The following LRP1B variants were observed in gnomAD, a reference collection of about 807,000 sequenced individuals.
LRP1B encodes LDL receptor related protein 1B.
In LRP1B, 217 loss-of-function variants were observed where a neutral mutation model predicts 556.6. That is an observed-to-expected ratio of 0.39 (90% CI 0.35 to 0.44). LRP1B has a LOEUF of 0.44. Among genes scored for constraint, LRP1B ranks in the 20% least tolerant of loss-of-function variants. LRP1B has a pLI of 1.00. For missense variants in LRP1B, 5,053 were observed against 5,620.8 expected (o/e 0.90, Z 3.23); for synonymous variants, 2,047 against 1,865.8 (o/e 1.10, Z -2.50).
intron 1 of LRP1B, among the ~76,000 whole-genome samples, chr2:141,844,394 C>A (rs2381193): frequency 0.77 from 117,606 of 152,052 alleles, 45,708 homozygotes; most frequent in Middle Eastern, 0.84. Context: ...TAGCTATGTT[C>A]CATAACTTTG....
intron 31 of LRP1B, among the ~76,000 whole-genome samples, chr2:140,824,078 C>A (rs1338811338): frequency 6.6e-6 from 1 of 151,034 alleles, no homozygotes; most frequent in Non-Finnish European, 1.5e-5. Flanking sequence ...TCACATGTAC[C>A]TCTGAACCTA....
chr2:140,329,474 G>A (rs553788070), intron 79 of LRP1B, among the ~76,000 whole-genome samples: 12 of 152,094 alleles, frequency 7.9e-5, no homozygotes, highest in Non-Finnish European at 1.6e-4. Context: ...TGCAGATGAC[G>A]TGTTCCTATA....
intron 42 of LRP1B, 48 bp from the exon 43 acceptor site, chr2:140,598,883 G>T: frequency 8.0e-7 from 1 of 1,249,086 alleles, no homozygotes; most frequent in South Asian, 1.3e-5. Flanking sequence ...CTCATCAAGA[G>T]TAAAAATACT....
rs543187197 is a variant in LRP1B, at chr2:140,986,619, A to T, written c.2770+2913T>A. Among the ~76,000 whole-genome samples the T allele has an allele frequency of 3.8e-4, 58 of 152,262 alleles. 1 individual carries two copies. The highest frequency in any genetic ancestry group is 1.2e-3 in the African/African-American group (49 of 41,562). ...TAGCTTAGACAGTGCTTCCTTTAAG[A>T]AGTCCTCCCAGATAGCTGAAGACCA... On this transcript the variant is annotated intron_variant, in intron 17 of 90. Coordinates refer to ENST00000389484, the MANE Select transcript of LRP1B (RefSeq NM_018557.3).
chr2:141,906,929 T>G (rs2104944534), intron 1 of LRP1B, among the ~76,000 whole-genome samples: 1 of 152,182 alleles, frequency 6.6e-6, no homozygotes, highest in Non-Finnish European at 1.5e-5. Flanking sequence ...AATCGTCCCA[T>G]GTTTCCCATT....
intron 5 of LRP1B, among the ~76,000 whole-genome samples, chr2:141,235,655 T>C (rs918769606): frequency 7.2e-5 from 11 of 152,114 alleles, no homozygotes; most frequent in Admixed American, 5.9e-4. Flanking sequence ...TTCTGCAGGG[T>C]ACAACACGCA....
At chr2:140,321,596 G>A (rs889546248) in intron 82 of LRP1B, among the ~76,000 whole-genome samples, 3 of 151,884 alleles carry the variant, frequency 2.0e-5, no homozygotes, top group Admixed American at 6.6e-5. Flanking sequence ...CAATAGAAAT[G>A]TATTGAATAA....
chr2:141,858,184 A>G (rs1011018376), intron 1 of LRP1B, among the ~76,000 whole-genome samples: 1 of 152,162 alleles, frequency 6.6e-6, no homozygotes, highest in African/African-American at 2.4e-5. Context: ...TGCTTGAATC[A>G]AACTCATTTC....
intron 1 of LRP1B, among the ~76,000 whole-genome samples, chr2:141,869,361 C>T (rs915131127): frequency 6.6e-6 from 1 of 151,874 alleles, no homozygotes; most frequent in Non-Finnish European, 1.5e-5. Context: ...CTGCTGTTCT[C>T]TACAATAAAT....
chr2:141,409,260 C>A (rs189476047), intron 3 of LRP1B, among the ~76,000 whole-genome samples: 2 of 152,098 alleles, frequency 1.3e-5, no homozygotes, highest in East Asian at 1.9e-4. Context: ...GTATGCACAG[C>A]GGAAAAACTG....
chr2:142,022,588 T>C (rs1425121200), intron 1 of LRP1B, among the ~76,000 whole-genome samples: 2 of 152,154 alleles, frequency 1.3e-5, no homozygotes, highest in African/African-American at 4.8e-5. Context: ...GTTTTCTCAT[T>C]AAGCCATGTG....
chr2:141,142,037 T>C (rs568712843), intron 7 of LRP1B, among the ~76,000 whole-genome samples: 2 of 151,934 alleles, frequency 1.3e-5, no homozygotes, highest in East Asian at 3.9e-4. Flanking sequence ...ACACCTACAG[T>C]TATTGATTCT....
rs1419301554 is a variant in LRP1B at position 140,457,649 on chromosome 2, G to A, written c.9628C>T (p.Pro3210Ser). Residue 3210 changes from proline (P) to serine (S), a missense_variant and splice_region_variant, in exon 61 of 91, where the codon CCT becomes TCT. By Grantham distance (74) the Pro-to-Ser change is moderately conservative. Around this residue, in one of 5 missense-constraint regions of LRP1B, gnomAD observed 262 missense variants for 395.1 expected, o/e 0.66. Coordinates refer to ENST00000389484, the MANE Select transcript of LRP1B (RefSeq NM_018557.3). ...ATCACCCCTGGAATATCTTGATTAG[G>A]GACTGTAATAGGAGATGGTAAGATT... is the stretch of plus-strand genomic sequence containing the variant. ...NMDGSHRHKVPNQDIPGVIAL... is the reference protein window; with the variant it reads ...NMDGSHRHKVSNQDIPGVIAL... 6.2e-7 allele frequency: 1 copy of A among 1,610,970 alleles called. No homozygotes were observed. The highest frequency in any genetic ancestry group is 8.5e-7 in the Non-Finnish European group (1 of 1,177,374).
chr2:141,860,961 G>A (rs1038252922), intron 1 of LRP1B, among the ~76,000 whole-genome samples: 1 of 152,110 alleles, frequency 6.6e-6, no homozygotes, highest in South Asian at 2.1e-4. Context: ...TCCACACTAA[G>A]ATAATTTCTG....
At chr2:140,357,549 T>TA (rs563824423) in intron 74 of LRP1B, among the ~76,000 whole-genome samples, 2,308 of 145,954 alleles carry the variant, frequency 0.016, 17 homozygotes, top group Middle Eastern at 0.031. Context: ...GCACTGTAAC[T>TA]AAAAAAAAAA....
chr2:140,706,901 T>C (rs571181693), intron 37 of LRP1B, among the ~76,000 whole-genome samples: 2 of 152,034 alleles, frequency 1.3e-5, no homozygotes, highest in African/African-American at 4.8e-5. Flanking sequence ...TAAATGCCCA[T>C]GAATAAATTT....
At chr2:141,892,404 A>T (rs200055948) in intron 1 of LRP1B, among the ~76,000 whole-genome samples, 5 of 152,064 alleles carry the variant, frequency 3.3e-5, no homozygotes, top group Admixed American at 6.6e-5. Flanking sequence ...AAATTTTTTT[A>T]AAAAAACATG....
intron 2 of LRP1B, among the ~76,000 whole-genome samples, chr2:141,662,291 A>G (rs1690250311): frequency 6.6e-6 from 1 of 152,190 alleles, no homozygotes; most frequent in Non-Finnish European, 1.5e-5. Flanking sequence ...CAAAATAACT[A>G]GCTAATGTCA....
rs367603862 is a variant in LRP1B, at chr2:140,944,161, A to C, written c.3136+6074T>G. Among the ~76,000 whole-genome samples the C allele has an allele frequency of 3.3e-5, 5 of 152,264 alleles. No individual in the cohort carries two copies. In the East Asian group the frequency reaches 5.8e-4, roughly 18 times the overall value. On this transcript the variant is annotated intron_variant, in intron 20 of 90. Transcript: ENST00000389484. The stretch of plus-strand genomic sequence containing the variant: ...GAACACCTCTGTGTGTACAAACTAG[A>C]AAATCTAGAGGAAATGGATAAATTC...
Sources: allele counts gnomAD v4.1 joint callset (sites outside exome capture counted in the v4.1 genomes callset), GRCh38; gene constraint gnomAD v4.1.1; regional missense constraint gnomAD v4.1.1; transcripts MANE v1.5; gene names NCBI Gene and HGNC (gene_info 2026-07-23, HGNC 2026-07-21).